Variants in PHACTR1 observed in about 807,000 individuals in gnomAD.
PHACTR1 encodes the protein phosphatase and actin regulator 1.
Under a neutral mutation model 69.2 loss-of-function variants are expected in PHACTR1, and 16 were observed. The observed-to-expected ratio is 0.23, with a 90% CI of 0.16 to 0.35. The LOEUF (loss-of-function observed/expected upper bound fraction) is 0.35, where lower values mean the gene tolerates loss of function less well. PHACTR1 is among the 10% of genes least tolerant of loss of function. The pLI is 1.00. For synonymous variants in PHACTR1, 312 were observed against 284.5 expected, an observed-to-expected ratio of 1.10 and a Z score of -0.97; for missense variants, 510 against 734.7, an observed-to-expected ratio of 0.69 and a Z score of 3.54.
chr6:13,153,941 A>T (rs1434787129), intron 5 of PHACTR1, among the ~76,000 whole-genome samples: 3 of 152,118 alleles, frequency 2.0e-5, no homozygotes, highest in African/African-American at 2.4e-5. Flanking sequence ...CATTTTTTTA[A>T]CTAATGCTTT....
At chr6:13,264,675 C>T (rs4337937) in intron 10 of PHACTR1, among the ~76,000 whole-genome samples, 8,556 of 152,086 alleles carry the variant, frequency 0.056, 751 homozygotes, top group African/African-American at 0.18. Context: ...GCCGAGTTTG[C>T]ACCACTGCAC....
At chr6:13,141,008 A>G (rs965686639) in intron 5 of PHACTR1, among the ~76,000 whole-genome samples, 1 of 152,232 alleles carries the variant, frequency 6.6e-6, no homozygotes, top group Non-Finnish European at 1.5e-5. Flanking sequence ...ACTTGTTCCT[A>G]TAATATTGTG....
rs542957834 is a variant in PHACTR1 at position 12,747,739 on chromosome 6, G to A, written c.104-1905G>A. ...ACTTCACATTTCTGAGAGAGAACAGGAAATGTTTATAGTTAAGAAATTTGT... is the reference window on the plus strand; with the variant it reads ...ACTTCACATTTCTGAGAGAGAACAGAAAATGTTTATAGTTAAGAAATTTGT... On this transcript the variant is annotated intron_variant, in intron 3 of 14. Coordinates refer to ENST00000332995, the MANE Select transcript of PHACTR1 (RefSeq NM_030948.6). Among the ~76,000 whole-genome samples, 201 of 152,226 alleles carry A rather than the reference G, an allele frequency of 1.3e-3. 1 individual carries two copies. The highest frequency in any genetic ancestry group is 4.0e-4 in the Non-Finnish European group (27 of 68,022).
intron 12 of PHACTR1, among the ~76,000 whole-genome samples, chr6:13,282,919 T>C (rs1009371292): frequency 2.6e-5 from 4 of 152,070 alleles, no homozygotes; most frequent in African/African-American, 7.2e-5. Context: ...TACTATCGAT[T>C]TGTATAGGTG....
intron 4 of PHACTR1, among the ~76,000 whole-genome samples, chr6:13,036,620 G>A (rs1402297059): frequency 1.3e-5 from 2 of 152,122 alleles, no homozygotes; most frequent in African/African-American, 4.8e-5. Flanking sequence ...GTTCAAACTC[G>A]AGATAAACTT....
chr6:13,279,676 T>G (rs1424208483), intron 12 of PHACTR1: 1 of 152,236 alleles, frequency 6.6e-6, no homozygotes, highest in Non-Finnish European at 1.5e-5. Context: ...CTGGCTGGGG[T>G]CACCCTGGTG....
At chr6:12,817,143 T>A (rs1404215313) in intron 4 of PHACTR1, among the ~76,000 whole-genome samples, 1 of 152,228 alleles carries the variant, frequency 6.6e-6, no homozygotes, top group East Asian at 1.9e-4. Flanking sequence ...TGCCTAAAGA[T>A]GTTGATCATT....
At chr6:12,855,736 C>T (rs989578540) in intron 4 of PHACTR1, among the ~76,000 whole-genome samples, 7 of 152,012 alleles carry the variant, frequency 4.6e-5, no homozygotes, top group Non-Finnish European at 8.8e-5. Context: ...AAGCCCAAAC[C>T]TCAGCATAAA....
intron 5 of PHACTR1, among the ~76,000 whole-genome samples, chr6:13,145,652 T>C (rs1823223577): frequency 2.0e-5 from 3 of 152,160 alleles, no homozygotes; most frequent in Admixed American, 1.3e-4. Flanking sequence ...TTAACGTCCT[T>C]GCAAGAAGAG....
intron 5 of PHACTR1, among the ~76,000 whole-genome samples, chr6:13,133,772 G>A (rs1196104134): frequency 6.6e-6 from 1 of 151,346 alleles, no homozygotes. Context: ...TGGGATGTGA[G>A]GAGCCCCTCT....
At chr6:12,937,360 T>A (rs1435160046) in intron 4 of PHACTR1, among the ~76,000 whole-genome samples, 1 of 152,176 alleles carries the variant, frequency 6.6e-6, no homozygotes, top group Non-Finnish European at 1.5e-5. Flanking sequence ...GAGTGGATTT[T>A]TTTTTTTTGA....
chr6:13,233,331 T>G (rs1163036411), intron 10 of PHACTR1, among the ~76,000 whole-genome samples: 1 of 5,512 alleles, frequency 1.8e-4, no homozygotes, highest in African/African-American at 3.8e-3. Flanking sequence ...ACTCTTCCCC[T>G]TATAAGGACA....
chr6:13,190,023 CTTTTT>C (rs56040224), intron 7 of PHACTR1, among the ~76,000 whole-genome samples: 1 of 123,840 alleles, frequency 8.1e-6, no homozygotes, highest in Admixed American at 8.3e-5. Flanking sequence ...ATCTCTTCTG[CTTTTT>C]TTTTTTTTTT....
intron 7 of PHACTR1, among the ~76,000 whole-genome samples, 191 bp from the exon 8 acceptor site, chr6:13,205,624 C>G (rs527961599): frequency 1.7e-4 from 26 of 152,232 alleles, no homozygotes; most frequent in Non-Finnish European, 3.4e-4. Context: ...TGCAAGTGCA[C>G]TTGGAGTAGG....
intron 7 of PHACTR1, among the ~76,000 whole-genome samples, chr6:13,198,847 T>C (rs1425599686): frequency 1.3e-5 from 2 of 152,178 alleles, no homozygotes; most frequent in Admixed American, 6.5e-5. Context: ...CAGTGCATGA[T>C]TTTATAGTTT....
chr6:12,788,003 G>C (rs1252020351), intron 4 of PHACTR1, among the ~76,000 whole-genome samples: 1 of 151,968 alleles, frequency 6.6e-6, no homozygotes, highest in Admixed American at 6.6e-5. Context: ...GTAAAAAATA[G>C]AAAAATCAGC....
At chr6:12,982,127 A>G (rs1355684523) in intron 4 of PHACTR1, among the ~76,000 whole-genome samples, 4 of 152,192 alleles carry the variant, frequency 2.6e-5, no homozygotes, top group African/African-American at 7.2e-5. Flanking sequence ...GGTAAATTGT[A>G]AGGTTGCTTT....
intron 10 of PHACTR1, among the ~76,000 whole-genome samples, chr6:13,243,683 T>C (rs1484240513): frequency 6.6e-6 from 1 of 152,212 alleles, no homozygotes; most frequent in Non-Finnish European, 1.5e-5. Flanking sequence ...AATTATTTTG[T>C]CACCCAGGTA....
chr6:12,854,540 T>A (rs1780146825), intron 4 of PHACTR1, among the ~76,000 whole-genome samples: 1 of 56,022 alleles, frequency 1.8e-5, no homozygotes, highest in Non-Finnish European at 3.7e-5. Flanking sequence ...ACCTAATTCT[T>A]AAAAACTTTG....
Sources: gnomAD v4.1 joint callset for allele counts (sites outside exome capture counted in the v4.1 genomes callset) on GRCh38, gnomAD v4.1.1 for gene constraint, MANE v1.5 for transcripts, NCBI Gene and HGNC (gene_info 2026-07-23, HGNC 2026-07-21) for gene names.